RALYL: variants seen among roughly 807,000 people sequenced by gnomAD.
RALYL encodes the protein RALY RNA binding protein like.
A neutral mutation model predicts 35.1 loss-of-function variants in RALYL; 29 were observed. That is an observed-to-expected ratio of 0.83 (90% confidence interval 0.61 to 1.13). The LOEUF is 1.13. Among genes scored for constraint, RALYL ranks in the 50% most tolerant of loss-of-function variants. RALYL has a pLI of 0.00. For synonymous variants in RALYL, 120 were observed against 127.6 expected (o/e 0.94, Z 0.40); for missense variants, 359 against 360.4 (o/e 1.00, Z 0.03).
chr8:84,240,066 T>G (rs1292253694), intron 1 of RALYL, among the ~76,000 whole-genome samples: 1 of 152,192 alleles, frequency 6.6e-6, no homozygotes, highest in Admixed American at 6.5e-5. Flanking sequence ...GAATCAGTGA[T>G]AGCAATGACT....
intron 7 of RALYL, among the ~76,000 whole-genome samples, chr8:84,886,890 T>C (rs745740074): frequency 3.3e-5 from 5 of 152,190 alleles, no homozygotes; most frequent in Non-Finnish European, 5.9e-5. Context: ...TTGTCCTTAT[T>C]GCATGGATGA....
At chr8:84,334,778 C>G (rs1847457550) in intron 1 of RALYL, among the ~76,000 whole-genome samples, 1 of 151,990 alleles carries the variant, frequency 6.6e-6, no homozygotes, top group African/African-American at 2.4e-5. Context: ...CTTTCTAGAC[C>G]TTTACATTTT....
chr8:84,781,152 T>C (rs1818055297), intron 3 of RALYL, among the ~76,000 whole-genome samples: 1 of 152,188 alleles, frequency 6.6e-6, no homozygotes, highest in Non-Finnish European at 1.5e-5. Context: ...TGTGAGCCAC[T>C]GCTTCCAGCT....
chr8:84,773,606 T>G (rs1368050521), intron 2 of RALYL, among the ~76,000 whole-genome samples: 1 of 142,466 alleles, frequency 7.0e-6, no homozygotes, highest in African/African-American at 2.6e-5. Flanking sequence ...TAAACCTCTT[T>G]TTGTGTATCC....
At chr8:84,554,911 T>A (rs1032748169) in intron 2 of RALYL, among the ~76,000 whole-genome samples, 17 of 152,148 alleles carry the variant, frequency 1.1e-4, no homozygotes, top group Non-Finnish European at 2.4e-4. Context: ...CCCATTTTTT[T>A]ATTAAAGAAT....
chr8:84,429,725 A>G (rs987085999), intron 1 of RALYL, among the ~76,000 whole-genome samples: 3 of 152,072 alleles, frequency 2.0e-5, no homozygotes, highest in Non-Finnish European at 1.5e-5. Context: ...AGGCTTGGGA[A>G]TTGGAGGTGG....
chr8:84,218,624 C>T (rs1012645637), intron 1 of RALYL, among the ~76,000 whole-genome samples: 6 of 152,044 alleles, frequency 3.9e-5, no homozygotes, highest in Admixed American at 2.6e-4. Context: ...TGAGGTTTCA[C>T]TCCCTCTGAA....
At chr8:84,810,229 TTTTG>T (rs1160372841) in intron 4 of RALYL, among the ~76,000 whole-genome samples, 4 of 152,184 alleles carry the variant, frequency 2.6e-5, no homozygotes, top group African/African-American at 7.2e-5. Context: ...TCCATCTTAA[TTTTG>T]TTTTTGACTC....
At chr8:84,759,663 G>T (rs1216569680) in intron 2 of RALYL, among the ~76,000 whole-genome samples, 1 of 152,138 alleles carries the variant, frequency 6.6e-6, no homozygotes, top group African/African-American at 2.4e-5. Context: ...TCTTATGCAG[G>T]TTACTCATCT....
chr8:84,495,520 C>A (rs1398427930), intron 1 of RALYL, among the ~76,000 whole-genome samples: 1 of 151,826 alleles, frequency 6.6e-6, no homozygotes, highest in African/African-American at 2.4e-5. Context: ...AAGAAATACA[C>A]CTTGAAATTA....
chr8:84,796,937 T>A (rs1337771210), intron 3 of RALYL, among the ~76,000 whole-genome samples: 1 of 152,190 alleles, frequency 6.6e-6, no homozygotes, highest in Non-Finnish European at 1.5e-5. Flanking sequence ...TACAGAACAG[T>A]GGCTGTATAG....
chr8:84,672,640 G>A (rs1426935928), intron 2 of RALYL, among the ~76,000 whole-genome samples: 1 of 152,172 alleles, frequency 6.6e-6, no homozygotes, highest in Non-Finnish European at 1.5e-5. Flanking sequence ...AATCATGGCA[G>A]AAGGCAAAGG....
Position 84,631,580 on chromosome 8 carries a change from AG to A in RALYL, c.256+102005del, listed in dbSNP as rs577712327. Among the ~76,000 whole-genome samples the A allele has an allele frequency of 1.1e-4, 17 of 151,508 alleles. No homozygotes were observed. The South Asian group carries it at 3.5e-3, about 31-fold the overall frequency. On this transcript the variant is annotated intron_variant, in intron 2 of 8. Coordinates refer to ENST00000521268, the MANE Select transcript of RALYL (RefSeq NM_173848.7). ...CTGTTTTCAAGATGGTAGCTTCAGA[AG>A]GTAAACAGGGTCAAAAAGACAGTTT...
intron 1 of RALYL, among the ~76,000 whole-genome samples, chr8:84,320,035 T>A (rs765894334): frequency 2.2e-4 from 34 of 152,196 alleles, no homozygotes; most frequent in Non-Finnish European, 3.8e-4. Flanking sequence ...TTGTAAAATA[T>A]AAGCTGGGTA....
intron 1 of RALYL, among the ~76,000 whole-genome samples, chr8:84,348,888 AG>A: frequency 6.7e-6 from 1 of 150,112 alleles, no homozygotes; most frequent in Non-Finnish European, 1.5e-5. Flanking sequence ...AGTTAACCAT[AG>A]GTTAACTATG....
At chr8:84,873,837 A>T (rs1840653158) in intron 7 of RALYL, among the ~76,000 whole-genome samples, 2 of 152,146 alleles carry the variant, frequency 1.3e-5, no homozygotes, top group African/African-American at 4.8e-5. Flanking sequence ...GCCACCCTGA[A>T]AGACTTCAGT....
chr8:84,581,050 C>T (rs771330004), intron 2 of RALYL, among the ~76,000 whole-genome samples: 28 of 152,122 alleles, frequency 1.8e-4, no homozygotes, highest in Admixed American at 7.9e-4. Context: ...GTAGTTTGAC[C>T]TCCTCACTGC....
rs528801246 is a variant in RALYL, at chr8:84,577,488, A to C, written c.256+47911A>C. On this transcript the variant is annotated intron_variant, in intron 2 of 8. Coordinates refer to ENST00000521268, the MANE Select transcript of RALYL (RefSeq NM_173848.7). ...GGTTTGATTAGTGATAGAAAGGCTA[A>C]AATATATACAGATTTAAGTGTTCAA... 5.3e-5 allele frequency among the ~76,000 whole-genome samples: 8 copies of C among 152,316 alleles called. No homozygotes were observed. In the East Asian group the frequency reaches 1.4e-3, roughly 26 times the overall value.
At chr8:84,460,065 A>G (rs1463212433) in intron 1 of RALYL, among the ~76,000 whole-genome samples, 1 of 151,820 alleles carries the variant, frequency 6.6e-6, no homozygotes, top group Admixed American at 6.6e-5. Flanking sequence ...GGCTAAATAC[A>G]GAAGGGAGTG....
Sources: allele counts gnomAD v4.1 joint callset (sites outside exome capture counted in the v4.1 genomes callset), GRCh38; gene constraint gnomAD v4.1.1; transcripts MANE v1.5; gene names NCBI Gene and HGNC (gene_info 2026-07-23, HGNC 2026-07-21).